Variants in SDCCAG8 observed in about 807,000 individuals in gnomAD.
SDCCAG8 encodes SHH signaling and ciliogenesis regulator SDCCAG8, also known as serologically defined colon cancer antigen 8.
A neutral mutation model predicts 101.8 loss-of-function variants in SDCCAG8; 74 were observed. That is an observed-to-expected ratio of 0.73 (90% CI 0.60 to 0.88). SDCCAG8 has a LOEUF of 0.88. Among genes scored for constraint, SDCCAG8 ranks in the 40% least tolerant of loss-of-function variants. SDCCAG8 has a pLI of 0.00. For missense variants in SDCCAG8, 787 were observed against 822.6 expected, an observed-to-expected ratio of 0.96 and a Z score of 0.53; for synonymous variants, 281 against 292.9, an observed-to-expected ratio of 0.96 and a Z score of 0.41.
At chr1:243,417,110 T>A (rs987327492) in intron 14 of SDCCAG8, among the ~76,000 whole-genome samples, 2 of 152,198 alleles carry the variant, frequency 1.3e-5, no homozygotes, top group African/African-American at 4.8e-5. Context: ...CTCACATAAT[T>A]CCCTCTATCA....
chr1:243,267,471 A>G, intron 1 of SDCCAG8: 1 of 335,314 alleles, frequency 3.0e-6, no homozygotes. Context: ...GCGTGGTGAC[A>G]GGTACCTGTA....
chr1:243,289,391 A>G (rs1182239014), intron 5 of SDCCAG8, among the ~76,000 whole-genome samples: 1 of 152,142 alleles, frequency 6.6e-6, no homozygotes, highest in African/African-American at 2.4e-5. Flanking sequence ...CACTGACTCA[A>G]ATGTTAATCT....
intron 4 of SDCCAG8, among the ~76,000 whole-genome samples, chr1:243,282,371 C>A (rs1232910914): frequency 6.6e-6 from 1 of 152,136 alleles, no homozygotes; most frequent in East Asian, 1.9e-4. Flanking sequence ...TATAACATTT[C>A]TGCCATTAAC....
intron 17 of SDCCAG8, among the ~76,000 whole-genome samples, chr1:243,492,356 C>G (rs1666699431): frequency 8.7e-6 from 1 of 114,620 alleles, no homozygotes; most frequent in South Asian, 3.0e-4. Flanking sequence ...GACTGGAGTA[C>G]AGTGGTGCAA....
chr1:243,308,911 CCT>C (rs1303873914), intron 8 of SDCCAG8, among the ~76,000 whole-genome samples: 2 of 152,166 alleles, frequency 1.3e-5, no homozygotes, highest in Admixed American at 1.3e-4. Flanking sequence ...CTCAGTGTCA[CCT>C]CTCTCTATCT....
chr1:243,491,559 A>C (rs1444495515), intron 17 of SDCCAG8, among the ~76,000 whole-genome samples: 1 of 152,170 alleles, frequency 6.6e-6, no homozygotes, highest in Non-Finnish European at 1.5e-5. Flanking sequence ...GAATATCTAA[A>C]CCCAGAGCCT....
At chr1:243,264,782 G>A (rs890526756) in intron 1 of SDCCAG8, among the ~76,000 whole-genome samples, 5 of 152,180 alleles carry the variant, frequency 3.3e-5, no homozygotes, top group African/African-American at 1.2e-4. Context: ...GGACTCAGGG[G>A]TCCTGTTTGT....
At chr1:243,310,765 A>G (rs1019955974) in intron 8 of SDCCAG8, among the ~76,000 whole-genome samples, 18 of 152,234 alleles carry the variant, frequency 1.2e-4, no homozygotes, top group African/African-American at 4.3e-4. Context: ...GAAACAAACA[A>G]AAAGGACAAG....
chr1:243,446,884 GACT>G (rs1292530398), intron 16 of SDCCAG8, among the ~76,000 whole-genome samples: 1 of 152,104 alleles, frequency 6.6e-6, no homozygotes, highest in Non-Finnish European at 1.5e-5. Flanking sequence ...GTCATGGAAG[GACT>G]ACTTTCTTAG....
intron 15 of SDCCAG8, among the ~76,000 whole-genome samples, chr1:243,426,072 C>G (rs2081318712): frequency 6.6e-6 from 1 of 152,132 alleles, no homozygotes; most frequent in South Asian, 2.1e-4. Flanking sequence ...AGAAATTAGG[C>G]CTAGGGTTTC....
intron 16 of SDCCAG8, among the ~76,000 whole-genome samples, chr1:243,427,328 G>A (rs1290165183): frequency 6.6e-6 from 1 of 152,082 alleles, no homozygotes; most frequent in Admixed American, 6.5e-5. Flanking sequence ...GTGCAGTAAT[G>A]GGGATTTTTT....
intron 13 of SDCCAG8, among the ~76,000 whole-genome samples, chr1:243,412,208 C>T (rs538797578): frequency 6.6e-6 from 1 of 152,150 alleles, no homozygotes. Flanking sequence ...TTACATTCTT[C>T]TCTAGTTGCT....
chr1:243,479,928 G>T (rs950419994), intron 16 of SDCCAG8, among the ~76,000 whole-genome samples: 1 of 149,848 alleles, frequency 6.7e-6, no homozygotes, highest in Non-Finnish European at 1.5e-5. Context: ...ACATGCTGCT[G>T]GGCCCCACCC....
chr1:243,428,722 A>T (rs1193511390), intron 16 of SDCCAG8, among the ~76,000 whole-genome samples: 1 of 152,252 alleles, frequency 6.6e-6, no homozygotes, highest in African/African-American at 2.4e-5. Context: ...AACACAGATC[A>T]TACATGGTAC....
At chr1:243,340,274 A>G (rs187957644) in intron 10 of SDCCAG8, among the ~76,000 whole-genome samples, 1 of 152,348 alleles carries the variant, frequency 6.6e-6, no homozygotes, top group Non-Finnish European at 1.5e-5. Context: ...TTGTAGGAGC[A>G]CATGCCATAG....
At chr1:243,386,154 G>A (rs2078273302) in intron 13 of SDCCAG8, among the ~76,000 whole-genome samples, 1 of 152,176 alleles carries the variant, frequency 6.6e-6, no homozygotes, top group African/African-American at 2.4e-5. Flanking sequence ...AGCTCTATAA[G>A]GTACAGACTC....
intron 12 of SDCCAG8, among the ~76,000 whole-genome samples, chr1:243,365,192 C>T (rs1260470833): frequency 6.6e-6 from 1 of 152,078 alleles, no homozygotes; most frequent in Non-Finnish European, 1.5e-5. Flanking sequence ...CACGTTCCCA[C>T]CTGTAAAGTG....
rs544760938 is a variant in SDCCAG8, at chr1:243,320,846, T to C, written c.1068+3953T>C. On this transcript the variant is annotated intron_variant, in intron 9 of 17. Coordinates refer to ENST00000366541, the MANE Select transcript of SDCCAG8 (RefSeq NM_006642.5). ...CCTCTCTCCAGCCTCTGAGTCTTTGTATGTGCCATGTGCATTCTTCTCTGC... is the reference window on the plus strand; with the variant it reads ...CCTCTCTCCAGCCTCTGAGTCTTTGCATGTGCCATGTGCATTCTTCTCTGC... 3.3e-5 allele frequency among the ~76,000 whole-genome samples: 5 copies of C among 152,346 alleles called. No homozygotes were observed. The East Asian group carries it at 9.6e-4, about 29-fold the overall frequency.
chr1:243,437,758 T>C (rs1389804427), intron 16 of SDCCAG8, among the ~76,000 whole-genome samples: 12 of 152,182 alleles, frequency 7.9e-5, no homozygotes, highest in Admixed American at 7.9e-4. Context: ...CAGGATGGTC[T>C]CGATCTCCTG....
Sources: allele counts gnomAD v4.1 joint callset (sites outside exome capture counted in the v4.1 genomes callset), GRCh38; gene constraint gnomAD v4.1.1; transcripts MANE v1.5; gene names NCBI Gene and HGNC (gene_info 2026-07-23, HGNC 2026-07-21).